TNRC18: variants seen among roughly 807,000 people sequenced by gnomAD.
The protein encoded by TNRC18 is trinucleotide repeat containing 18.
Under a neutral mutation model 226.7 loss-of-function variants are expected in TNRC18, and 69 were observed. The ratio of observed to expected loss-of-function variants is 0.30; its 90% CI spans 0.25 to 0.37. The LOEUF is 0.37. Ranked by LOEUF, TNRC18 falls within the 10% of genes least tolerant of loss-of-function variation. The pLI, the probability that TNRC18 is intolerant of heterozygous loss-of-function variation, is 1.00. For missense variants in TNRC18, 4,754 were observed against 4,256.6 expected (o/e 1.12, Z -3.25); for synonymous variants, 2,449 against 1,927.6 (o/e 1.27, Z -7.09).
chr7:5,352,433 C>A (rs984783440), intron 16 of TNRC18, among the ~76,000 whole-genome samples: 1 of 152,214 alleles, frequency 6.6e-6, no homozygotes, highest in Non-Finnish European at 1.5e-5. Context: ...AGGAAGGTCA[C>A]GGTGGTCACT....
At chr7:5,414,258 T>A (rs1375536286) in intron 2 of TNRC18, among the ~76,000 whole-genome samples, 1 of 151,980 alleles carries the variant, frequency 6.6e-6, no homozygotes, top group African/African-American at 2.4e-5. Flanking sequence ...ACTGTCTTTT[T>A]TGATATGATA....
chr7:5,328,801 C>T (rs926044762), intron 19 of TNRC18, among the ~76,000 whole-genome samples: 22 of 151,902 alleles, frequency 1.4e-4, no homozygotes, highest in East Asian at 5.8e-4. Flanking sequence ...TGAGCCATTG[C>T]GCCCGGCTGA....
intron 21 of TNRC18, among the ~76,000 whole-genome samples, chr7:5,323,241 C>T (rs900260942): frequency 1.2e-4 from 18 of 152,132 alleles, no homozygotes; most frequent in African/African-American, 4.3e-4. Context: ...GGGCTACAGA[C>T]CCCTGGGTCC....
chr7:5,347,331 C>T (rs1223361153), intron 17 of TNRC18, among the ~76,000 whole-genome samples: 5 of 150,912 alleles, frequency 3.3e-5, no homozygotes, highest in East Asian at 2.0e-4. Context: ...GGACTACAGG[C>T]GCCCACCACC....
At chr7:5,333,220 CACGCCTGTCCCT>C (rs535009171) in intron 18 of TNRC18, among the ~76,000 whole-genome samples, 171 bp from the exon 19 acceptor site, 259 of 152,322 alleles carry the variant, frequency 1.7e-3, no homozygotes, top group Non-Finnish European at 2.2e-3. Flanking sequence ...TCATCGGGAC[CACGCCTGTCCCT>C]ACGCCTGTCC....
chr7:5,329,223 A>C (rs1345881764), intron 19 of TNRC18, among the ~76,000 whole-genome samples: 3 of 151,906 alleles, frequency 2.0e-5, no homozygotes, highest in Admixed American at 1.3e-4. Flanking sequence ...GAATCGCTTT[A>C]ATCTGGGAGG....
In TNRC18 at chr7:5,370,505, A is replaced by C. The variant is rs1192289062; in HGVS notation, c.4089T>G (p.Ala1363=). The C allele has an allele frequency of 1.1e-5, 17 of 1,595,840 alleles. No homozygotes were observed. Among genetic ancestry groups the C allele is most frequent in the Non-Finnish European group, 1.5e-5 (17 of 1,171,398 alleles). ...QARPLPSPGA[A]GAQALEKLEA... ...CCAGCTTCTCCAAGGCCTGGGCTCC[A>C]GCAGCACCCGGGGAGGGCAGAGGCC... The change falls in exon 11 of 30, where the codon GCT becomes GCG. Residue 1363 remains alanine (A), a synonymous_variant. Transcript: ENST00000430969.
rs1448311714 is a variant in TNRC18, at chr7:5,388,990, C to T, written c.834G>A (p.Pro278=). 7.3e-6 allele frequency: 10 copies of T among 1,369,804 alleles called. No individual in the cohort carries two copies. In the Admixed American group the frequency reaches 1.8e-4, roughly 25 times the overall value. 84.9% of individuals were successfully genotyped at this position (1,369,804 alleles called of 1,614,324 possible). ...ESKTKNAALQ[P]SVLTMCNGGA... Reference sequence around the variant, plus strand: ...CGCCGTTGCACATGGTCAGTACCGACGGCTGCAGCGCCGCATTCTTGGTCT... The same window carrying T: ...CGCCGTTGCACATGGTCAGTACCGATGGCTGCAGCGCCGCATTCTTGGTCT... Residue 278 remains proline (P), a synonymous_variant, in exon 5 of 30, where the codon CCG becomes CCA. Transcript: ENST00000430969.
intron 27 of TNRC18, among the ~76,000 whole-genome samples, chr7:5,310,822 C>G (rs1454794705): frequency 6.6e-6 from 1 of 152,262 alleles, no homozygotes; most frequent in African/African-American, 2.4e-5. Flanking sequence ...GGCTCCCTGC[C>G]AGCCTGTCTG....
chr7:5,356,854 G>A (rs1792473258), intron 16 of TNRC18, 62 bp downstream of exon 16: 1 of 1,468,144 alleles, frequency 6.8e-7, no homozygotes, highest in Non-Finnish European at 9.0e-7. Flanking sequence ...GGACGGTGGA[G>A]AGAAGAGGGG....
intron 2 of TNRC18, among the ~76,000 whole-genome samples, chr7:5,396,319 G>A (rs1337406093): frequency 1.3e-5 from 2 of 152,074 alleles, no homozygotes; most frequent in East Asian, 1.9e-4. Context: ...CTGCACTCCC[G>A]CCTGGGCAAC....
intron 11 of TNRC18, among the ~76,000 whole-genome samples, chr7:5,365,845 G>A (rs1306559765): frequency 5.3e-5 from 8 of 151,996 alleles, no homozygotes; most frequent in East Asian, 1.9e-4. Flanking sequence ...CGAGGCGGGC[G>A]GATCACCTGA....
At chr7:5,308,390 G>C (rs1786796823) in intron 29 of TNRC18, 78 bp from the exon 30 acceptor site, 2 of 1,355,258 alleles carry the variant, frequency 1.5e-6, no homozygotes, top group East Asian at 2.5e-5. Context: ...CACAGGGACA[G>C]AGACAGAAGC....
chr7:5,362,675 C>A lies in TNRC18; in HGVS notation c.4370G>T (p.Ser1457Ile). The A allele has an allele frequency of 1.3e-6, 2 of 1,588,850 alleles. No individual in the cohort carries two copies. Among genetic ancestry groups the A allele is most frequent in the Admixed American group, 1.8e-5 (1 of 56,410 alleles). ...PRELKPNKKY[S>I]WMRKKEERMY... ...CCGCTCCTCCTTCTTGCGCATCCAG[C>A]TGTACTTCTTGTTGGGCTTCAGCTC... Residue 1457 changes from serine (S) to isoleucine (I), a missense_variant, in exon 12 of 30, where the codon AGC becomes ATC. Transcript: ENST00000430969.
At chr7:5,361,468 T>C in intron 14 of TNRC18, 126 bp downstream of exon 14, 1 of 1,201,862 alleles carries the variant, frequency 8.3e-7, no homozygotes, top group Non-Finnish European at 1.1e-6. Context: ...GGGCCACTGC[T>C]GCGGGTAGGT....
intron 17 of TNRC18, 96 bp from the exon 18 acceptor site, chr7:5,345,906 C>A (rs1791140439): frequency 6.9e-7 from 1 of 1,457,200 alleles, no homozygotes. Context: ...TGGGCTCCAG[C>A]CTAGTCCCTC....
At chr7:5,333,336 T>C (rs762882590) in intron 18 of TNRC18, among the ~76,000 whole-genome samples, 8 of 152,144 alleles carry the variant, frequency 5.3e-5, no homozygotes, top group Non-Finnish European at 1.0e-4. Flanking sequence ...CCCATGTGAC[T>C]TGTGGAAATC....
rs1401482515 is a variant in TNRC18, at chr7:5,370,524, A to T, written c.4070T>A (p.Leu1357Gln). The change falls in exon 11 of 30, where the codon CTG becomes CAG. Residue 1357 changes from leucine (L) to glutamine (Q), a missense_variant. Transcript: ENST00000430969. The stretch of plus-strand genomic sequence containing the variant: ...GGCTCCAGCAGCACCCGGGGAGGGC[A>T]GAGGCCTGGCCTGGGGCAGCTCCGC... ...AAAELPQARP[L>Q]PSPGAAGAQA... 1 of 1,601,970 alleles carries T rather than the reference A, an allele frequency of 6.2e-7. No individual in the cohort carries two copies. The highest frequency in any genetic ancestry group is 8.5e-7 in the Non-Finnish European group (1 of 1,174,646).
chr7:5,418,222 G>T (rs1010473625), intron 2 of TNRC18, among the ~76,000 whole-genome samples: 3 of 152,186 alleles, frequency 2.0e-5, no homozygotes, highest in African/African-American at 7.2e-5. Flanking sequence ...TCAGTTACAT[G>T]CCCATCTCCC....
Sources: allele counts gnomAD v4.1 joint callset (sites outside exome capture counted in the v4.1 genomes callset), GRCh38; gene constraint gnomAD v4.1.1; transcripts MANE v1.5; gene names NCBI Gene and HGNC (gene_info 2026-07-23, HGNC 2026-07-21).